SORD: variants seen among roughly 807,000 people sequenced by gnomAD.
SORD encodes (R,R)-butanediol dehydrogenase.
A neutral mutation model predicts 35.6 loss-of-function variants in SORD; 18 were observed. The ratio of observed to expected loss-of-function variants is 0.51; its 90% CI spans 0.35 to 0.75. The LOEUF (loss-of-function observed/expected upper bound fraction) is 0.75, where lower values mean the gene tolerates loss of function less well. Among genes scored for constraint, SORD ranks in the 30% least tolerant of loss-of-function variants. The pLI is 0.01. For missense variants in SORD, 250 were observed against 390.2 expected (o/e 0.64, Z 3.03); for synonymous variants, 106 against 152.9 (o/e 0.69, Z 2.26).
intron 3 of SORD, among the ~76,000 whole-genome samples, chr15:45,052,913 C>G (rs1248008309): frequency 1.3e-5 from 2 of 152,110 alleles, no homozygotes; most frequent in African/African-American, 4.8e-5. Context: ...AATCTTCTCT[C>G]AGTTGCTTAT....
intron 3 of SORD, among the ~76,000 whole-genome samples, chr15:45,056,452 G>T (rs1595504383): frequency 6.6e-6 from 1 of 152,152 alleles, no homozygotes; most frequent in Non-Finnish European, 1.5e-5. Context: ...CCTCTTCAAG[G>T]AGAACTACAA....
intron 5 of SORD, among the ~76,000 whole-genome samples, chr15:45,066,102 G>A (rs1180375594): frequency 6.6e-6 from 1 of 151,478 alleles, no homozygotes; most frequent in Non-Finnish European, 1.5e-5. Context: ...AAATTAGCCA[G>A]GCGTGGTGGT....
intron 3 of SORD, among the ~76,000 whole-genome samples, chr15:45,056,954 C>T (rs184240360): frequency 2.0e-4 from 30 of 152,286 alleles, no homozygotes; most frequent in African/African-American, 7.0e-4. Context: ...ACGTGTTAAA[C>T]CATGCATATC....
At chr15:45,054,420 T>C (rs1480173113) in intron 3 of SORD, among the ~76,000 whole-genome samples, 1 of 152,202 alleles carries the variant, frequency 6.6e-6, no homozygotes, top group African/African-American at 2.4e-5. Flanking sequence ...TTTTCATGTG[T>C]TTTTTGGCTG....
chr15:45,040,784 A>C (rs1442098540), intron 2 of SORD, among the ~76,000 whole-genome samples: 1 of 152,220 alleles, frequency 6.6e-6, no homozygotes, highest in African/African-American at 2.4e-5. Context: ...CCTATCTACC[A>C]GAAGCTGCTG....
intron 1 of SORD, chr15:45,036,218 C>T: frequency 2.4e-6 from 1 of 410,862 alleles, no homozygotes; most frequent in South Asian, 1.8e-5. Flanking sequence ...GGGTCCGCAG[C>T]TTCATTGTTG....
intron 1 of SORD, among the ~76,000 whole-genome samples, chr15:45,031,224 A>G (rs111581792): frequency 0.21 from 31,203 of 150,454 alleles, 5 homozygotes; most frequent in African/African-American, 0.44. Flanking sequence ...AGGCTGAAGT[A>G]GGAGGATCGT....
chr15:45,029,739 T>C (rs141694562), intron 1 of SORD, among the ~76,000 whole-genome samples: 174 of 152,338 alleles, frequency 1.1e-3, no homozygotes, highest in Admixed American at 1.9e-3. Flanking sequence ...ACGCAGATGA[T>C]TGAAGGATGG....
chr15:45,023,625 T>G (rs1332214140), intron 1 of SORD, among the ~76,000 whole-genome samples: 1 of 152,232 alleles, frequency 6.6e-6, no homozygotes, highest in Non-Finnish European at 1.5e-5. Flanking sequence ...GAATGAAGCT[T>G]TCTCTCTCCT....
intron 1 of SORD, among the ~76,000 whole-genome samples, chr15:45,031,536 G>A (rs1892786671): frequency 6.6e-6 from 1 of 152,242 alleles, no homozygotes; most frequent in Non-Finnish European, 1.5e-5. Context: ...CTCGGCCATG[G>A]TCACTTTCTT....
At chr15:45,053,130 C>CTACT (rs1893155903) in intron 3 of SORD, among the ~76,000 whole-genome samples, 1 of 152,134 alleles carries the variant, frequency 6.6e-6, no homozygotes, top group Non-Finnish European at 1.5e-5. Context: ...AAGGCAAGTA[C>CTACT]TACTGTTACT....
intron 1 of SORD, among the ~76,000 whole-genome samples, chr15:45,029,568 C>T (rs568927747): frequency 1.7e-4 from 26 of 152,384 alleles, no homozygotes; most frequent in Middle Eastern, 3.4e-3. Context: ...TTATTTCCAC[C>T]GTCTGCAGAT....
At chr15:45,024,394 C>T (rs1467818666) in intron 1 of SORD, among the ~76,000 whole-genome samples, 1 of 152,236 alleles carries the variant, frequency 6.6e-6, no homozygotes, top group Admixed American at 6.5e-5. Flanking sequence ...CAATTTCAGA[C>T]TGCTCAAGGA....
chr15:45,044,706 T>C (rs942189240), intron 3 of SORD, among the ~76,000 whole-genome samples: 6 of 148,204 alleles, frequency 4.0e-5, no homozygotes, highest in African/African-American at 7.4e-5. Flanking sequence ...CTTTTTCTTT[T>C]TTTTTTTTTT....
intron 4 of SORD, among the ~76,000 whole-genome samples, chr15:45,061,487 C>G (rs181905945): frequency 8.5e-5 from 13 of 152,252 alleles, no homozygotes; most frequent in African/African-American, 3.1e-4. Flanking sequence ...GCTGAAATCA[C>G]TCACCCTCTG....
chr15:45,069,282 C>T (rs954043202), intron 7 of SORD, among the ~76,000 whole-genome samples: 39 of 133,828 alleles, frequency 2.9e-4, no homozygotes, highest in African/African-American at 9.3e-4. Flanking sequence ...TCTCAGCTAA[C>T]TGCAAGCTCC....
chr15:45,063,725 G>A (rs1893360362), intron 4 of SORD, among the ~76,000 whole-genome samples: 1 of 152,220 alleles, frequency 6.6e-6, no homozygotes, highest in South Asian at 2.1e-4. Context: ...AAGTTCCTCA[G>A]GAGGCCCAGA....
At chr15:45,046,296 G>A (rs1893044600) in intron 3 of SORD, among the ~76,000 whole-genome samples, 2 of 152,200 alleles carry the variant, frequency 1.3e-5, no homozygotes, top group Admixed American at 1.3e-4. Flanking sequence ...AGGCTGGAGT[G>A]TAGTGGTGCC....
rs188284767 is a variant in SORD, at chr15:45,064,738, A to C, written c.426-533A>C. Among the ~76,000 whole-genome samples, 5 of 152,358 alleles carry C rather than the reference A, an allele frequency of 3.3e-5. No individual in the cohort carries two copies. The South Asian group carries it at 1.0e-3, about 32-fold the overall frequency. ...AGTCAGGATTGTTTGCTAAAGTGAAACTAAAAAGGCTGTAAGTTTGAGAAG... is the reference window on the plus strand; with the variant it reads ...AGTCAGGATTGTTTGCTAAAGTGAACCTAAAAAGGCTGTAAGTTTGAGAAG... On this transcript the variant is annotated intron_variant, in intron 4 of 8. Coordinates refer to ENST00000267814, the MANE Select transcript of SORD (RefSeq NM_003104.6).
Sources: allele counts gnomAD v4.1 joint callset (sites outside exome capture counted in the v4.1 genomes callset), GRCh38; gene constraint gnomAD v4.1.1; transcripts MANE v1.5; gene names NCBI Gene and HGNC (gene_info 2026-07-23, HGNC 2026-07-21).